The following TCOF1 variants were observed in gnomAD, a reference collection of about 807,000 sequenced individuals.
The protein encoded by TCOF1 is treacle ribosome biogenesis factor 1, also known as treacle protein.
TCOF1 carries 33 observed loss-of-function variants against 149.0 expected under a neutral mutation model. That is an observed-to-expected ratio of 0.22 (90% CI 0.17 to 0.30). TCOF1 has a LOEUF of 0.30. TCOF1 is among the 10% of genes least tolerant of loss of function. TCOF1 has a pLI of 1.00. For synonymous variants in TCOF1, 789 were observed against 738.8 expected, an observed-to-expected ratio of 1.07 and a Z score of -1.10; for missense variants, 1,728 against 1,840.7, an observed-to-expected ratio of 0.94 and a Z score of 1.12.
rs1304855446 is a variant in TCOF1 at position 150,375,773 on chromosome 5, A to T, written c.1757A>T (p.Lys586Met). The change falls in exon 12 of 27, where the codon AAG becomes ATG. Residue 586 changes from lysine to methionine, a missense_variant. Coordinates refer to ENST00000643257, the MANE Select transcript of TCOF1 (RefSeq NM_001371623.1). Reference sequence around the variant, plus strand: ...GCCAAACCCACCTCCAGTCCTGCCAAGGGGCCCCCTCAGAAGGCAGGGCCT... The same window carrying T: ...GCCAAACCCACCTCCAGTCCTGCCATGGGGCCCCCTCAGAAGGCAGGGCCT... ...LQAKPTSSPA[K>M]GPPQKAGPVA... 1 of 1,614,212 alleles carries T rather than the reference A, an allele frequency of 6.2e-7. No individual in the cohort carries two copies. Among genetic ancestry groups the T allele is most frequent in the Admixed American group, 1.7e-5 (1 of 60,026 alleles).
chr5:150,391,314 A>C (rs921158196), intron 19 of TCOF1, among the ~76,000 whole-genome samples: 1 of 152,148 alleles, frequency 6.6e-6, no homozygotes, highest in East Asian at 1.9e-4. Flanking sequence ...GTGCAGATTG[A>C]GTAGTGGGGC....
chr5:150,392,538 G>A (rs1169524711), intron 21 of TCOF1, 167 bp from the exon 22 acceptor site: 7 of 687,374 alleles, frequency 1.0e-5, no homozygotes, highest in African/African-American at 1.8e-5. Context: ...TGTGACTAGC[G>A]ATAAGTGTGC....
Position 150,379,572 on chromosome 5 carries a change from T to C in TCOF1, c.2699T>C (p.Leu900Ser), listed in dbSNP as rs751264680. The C allele has an allele frequency of 6.8e-6, 11 of 1,614,004 alleles. No individual in the cohort carries two copies. The African/African-American group carries it at 9.3e-5, about 14-fold the overall frequency. Residue 900 changes from leucine (L) to serine (S), a missense_variant, in exon 17 of 27, where the codon TTG becomes TCG. Leu to Ser is a moderately radical substitution (Grantham distance 145). Around this residue, in one of 2 missense-constraint regions of TCOF1, gnomAD observed 1,696 missense variants for 1,765.4 expected, o/e 0.96. Coordinates refer to ENST00000643257, the MANE Select transcript of TCOF1 (RefSeq NM_001371623.1). ...AAGACCCACCAGATCAGAGCTGCCT[T>C]GGCTCCTGCCAAGGAGTCCCCCAGG... ...SGKTHQIRAA[L>S]APAKESPRKG...
At chr5:150,373,670 CAG>C (rs1763043403) in intron 7 of TCOF1, among the ~76,000 whole-genome samples, 1 of 152,220 alleles carries the variant, frequency 6.6e-6, no homozygotes, top group Non-Finnish European at 1.5e-5. Context: ...TGTCCATGTG[CAG>C]AAAGTCCAGT....
chr5:150,379,076 G>A (rs764556467), intron 15 of TCOF1, 34 bp downstream of exon 15: 1 of 1,613,898 alleles, frequency 6.2e-7, no homozygotes, highest in Non-Finnish European at 8.5e-7. Flanking sequence ...GAGGTGTGGA[G>A]GGTTGGGGTA....
intron 23 of TCOF1, among the ~76,000 whole-genome samples, chr5:150,395,097 T>C (rs1475152597): frequency 6.6e-6 from 1 of 152,160 alleles, no homozygotes; most frequent in African/African-American, 2.4e-5. Context: ...TAACCTGGCC[T>C]GCCCTGCCCA....
rs1763828380 is a variant in TCOF1 at position 150,376,459 on chromosome 5, G to T, written c.2179G>T (p.Ala727Ser). 1 of 1,614,088 alleles carries T rather than the reference G, an allele frequency of 6.2e-7. No homozygotes were observed. Among genetic ancestry groups the T allele is most frequent in the African/African-American group, 1.3e-5 (1 of 74,932 alleles). The change falls in exon 14 of 27, where the codon GCC (alanine) becomes TCC (serine). Residue 727 changes from alanine to serine, a missense_variant. Physicochemically the swap from Ala to Ser is moderately conservative, Grantham distance 99 (BLOSUM62 1). Transcript: ENST00000643257. ...GGGGAAAGGCCTCCAGGTGAAAGCAGCCTCAGTGCCTGTCAAGGGGTCCTT... is the reference window on the plus strand; with the variant it reads ...GGGGAAAGGCCTCCAGGTGAAAGCATCCTCAGTGCCTGTCAAGGGGTCCTT... ...SVGKGLQVKAASVPVKGSLGQ... is the reference protein window; with the variant it reads ...SVGKGLQVKASSVPVKGSLGQ...
chr5:150,379,300 G>A lies in TCOF1; in HGVS notation c.2550G>A (p.Val850=). 5 of 1,614,222 alleles carry A rather than the reference G, an allele frequency of 3.1e-6. No individual in the cohort carries two copies. The highest frequency in any genetic ancestry group is 4.2e-6 in the Non-Finnish European group (5 of 1,180,044). The change falls in exon 16 of 27, where the codon GTG becomes GTA. Residue 850 remains valine, a synonymous_variant. Coordinates refer to ENST00000643257, the MANE Select transcript of TCOF1 (RefSeq NM_001371623.1). The part of the protein sequence containing the change: ...LARGPASVPS[V]GKAVATAAQA... ...GGGGCCCAGCATCTGTGCCATCTGT[G>A]GGGAAGGCCGTGGCTACAGCAGCTC...
chr5:150,369,434 G>A (rs1762051516), intron 5 of TCOF1, 95 bp from the exon 6 acceptor site: 2 of 1,445,354 alleles, frequency 1.4e-6, no homozygotes, highest in South Asian at 1.1e-5. Flanking sequence ...TCAGCACCTG[G>A]CTTTGATGAG....
chr5:150,399,343 G>A (rs937131049), intron 26 of TCOF1, among the ~76,000 whole-genome samples: 4 of 152,204 alleles, frequency 2.6e-5, no homozygotes, highest in Non-Finnish European at 4.4e-5. Context: ...TGTGCCCTGG[G>A]ATGGAGCCTG....
In TCOF1 at chr5:150,364,245, C is replaced by T. The variant is rs985336128; in HGVS notation, c.297C>T (p.Ala99=). The T allele has an allele frequency of 3.1e-6, 5 of 1,613,996 alleles. No individual in the cohort carries two copies. The East Asian group carries it at 6.7e-5, about 22-fold the overall frequency. The change falls in exon 3 of 27, where the codon GCC becomes GCT. Residue 99 remains alanine, a synonymous_variant. Transcript: ENST00000643257. ...EEEEEAEAET[A]KATPRLASTN... is the part of the protein sequence containing the mutation. ...AGGAAGAAGCAGAAGCCGAAACCGC[C>T]AAAGCCAGTAAGAGCCTTGCAGCTT...
rs1763167646 is a variant in TCOF1, at chr5:150,374,176, A to G, written c.873A>G (p.Val291=). Residue 291 remains valine, a splice_region_variant and synonymous_variant, in exon 8 of 27, where the codon GTA becomes GTG. Transcript: ENST00000643257. ...EEAPAGTRSQ[V]KASEKILQVR... is the part of the protein sequence containing the mutation. ...AGCTGCCCTTTCTTTTTCACCAGGTAAAGGCCTCTGAAAAAATTCTCCAGG... is the reference window on the plus strand; with the variant it reads ...AGCTGCCCTTTCTTTTTCACCAGGTGAAGGCCTCTGAAAAAATTCTCCAGG... The G allele has an allele frequency of 6.2e-7, 1 of 1,611,232 alleles. No individual in the cohort carries two copies.
At chr5:150,357,907 C>G in intron 1 of TCOF1, 53 bp downstream of exon 1, 2 of 1,510,232 alleles carry the variant, frequency 1.3e-6, no homozygotes, top group Non-Finnish European at 1.8e-6. Context: ...TGGAGATCAG[C>G]GGCCCGCGGC....
At chr5:150,388,478 C>A (rs1229531302) in intron 18 of TCOF1, among the ~76,000 whole-genome samples, 1 of 152,200 alleles carries the variant, frequency 6.6e-6, no homozygotes, top group Non-Finnish European at 1.5e-5. Context: ...AAGCCAGAGA[C>A]ATCACAGGGA....
chr5:150,357,896 G>T, intron 1 of TCOF1, 42 bp downstream of exon 1: 1 of 1,538,490 alleles, frequency 6.5e-7, no homozygotes, highest in South Asian at 1.2e-5. Flanking sequence ...CGTGCAAGAT[G>T]TGGAGATCAG....
chr5:150,392,667 C>T, intron 21 of TCOF1, 38 bp from the exon 22 acceptor site: 1 of 1,610,114 alleles, frequency 6.2e-7, no homozygotes, highest in Non-Finnish European at 8.5e-7. Context: ...CTGGCAGGGG[C>T]CACCTGGGGC....
At chr5:150,370,794 C>T (rs1762355113) in intron 6 of TCOF1, among the ~76,000 whole-genome samples, 1 of 152,134 alleles carries the variant, frequency 6.6e-6, no homozygotes, top group Non-Finnish European at 1.5e-5. Context: ...TAGTGAAACC[C>T]TGTCTCTACA....
rs1409896744 is a variant in TCOF1 at position 150,375,362 on chromosome 5, C to G, written c.1512C>G (p.Pro504=). 6.2e-7 allele frequency: 1 copy of G among 1,611,848 alleles called. No homozygotes were observed. Among genetic ancestry groups the G allele is most frequent in the African/African-American group, 1.3e-5 (1 of 74,870 alleles). The change falls in exon 11 of 27, where the codon CCC becomes CCG. Residue 504 remains proline (P), a synonymous_variant. Transcript: ENST00000643257. The part of the protein sequence containing the change: ...AAQVKPLGKS[P]QVKPASTMGM... ...AGGTGAAGCCCTTGGGGAAAAGCCC[C>G]CAGGTGAAACCTGCCTCTACCATGG...
rs1198399183 is a variant in TCOF1 at position 150,399,912 on chromosome 5, AAGAAGACAG to A, written c.*126_*134del. ...ACTGTTACCTTCCCTCGCTCCACAG[AAGAAGACAG>A]CCAGCTTCAGGGGTCCCTGTGCTGG... On this transcript the variant is annotated 3_prime_UTR_variant, in exon 27 of 27. Coordinates refer to ENST00000643257, the MANE Select transcript of TCOF1 (RefSeq NM_001371623.1). 6.6e-6 allele frequency: 1 copy of A among 152,452 alleles called. No homozygotes were observed. The highest frequency in any genetic ancestry group is 2.4e-5 in the African/African-American group (1 of 41,410). The allele number at this position is 152,452 out of a possible 1,614,324, so 9.4% of individuals were successfully genotyped here. A position where few individuals can be genotyped will look rare whatever the true frequency, so the allele number is the denominator to read the frequency against.
Sources: allele counts gnomAD v4.1 joint callset (sites outside exome capture counted in the v4.1 genomes callset), GRCh38; gene constraint gnomAD v4.1.1; regional missense constraint gnomAD v4.1.1; transcripts MANE v1.5; gene names NCBI Gene and HGNC (gene_info 2026-07-23, HGNC 2026-07-21).